DPP6: variants seen among roughly 807,000 people sequenced by gnomAD.
DPP6 encodes A-type potassium channel modulatory protein DPP6.
DPP6 carries 69 observed loss-of-function variants against 122.6 expected under a neutral mutation model. The ratio of observed to expected loss-of-function variants is 0.56; its 90% CI spans 0.46 to 0.69. The LOEUF (loss-of-function observed/expected upper bound fraction) is 0.69. Among genes scored for constraint, DPP6 ranks in the 30% least tolerant of loss-of-function variants. The pLI, the probability that DPP6 is intolerant of heterozygous loss-of-function variation, is 0.00. For synonymous variants in DPP6, 418 were observed against 433.1 expected (o/e 0.97, Z 0.43); for missense variants, 928 against 1,116.9 (o/e 0.83, Z 2.41).
chr7:154,519,623 T>C (rs1826810858), intron 3 of DPP6, among the ~76,000 whole-genome samples: 1 of 152,232 alleles, frequency 6.6e-6, no homozygotes, highest in Non-Finnish European at 1.5e-5. Context: ...TCCAACCCAA[T>C]GAGTAGACAG....
chr7:154,326,821 G>A (rs1198248207), intron 1 of DPP6, among the ~76,000 whole-genome samples: 1 of 152,196 alleles, frequency 6.6e-6, no homozygotes, highest in African/African-American at 2.4e-5. Flanking sequence ...TTTCCTCGGG[G>A]CCTGGAAGGA....
chr7:153,933,787 T>C (rs1384363964), intron 1 of DPP6, among the ~76,000 whole-genome samples: 1 of 152,102 alleles, frequency 6.6e-6, no homozygotes, highest in Admixed American at 6.5e-5. Flanking sequence ...GGCAGATTTC[T>C]CTCCCTAGCC....
At position 154,064,536 on chromosome 7, in the gene DPP6, C is replaced by T. The variant is rs536300926; in HGVS notation, c.243+11473C>T. 3.3e-5 allele frequency among the ~76,000 whole-genome samples: 5 copies of T among 152,248 alleles called. No individual in the cohort carries two copies. In the South Asian group the frequency reaches 8.3e-4, roughly 25 times the overall value. On this transcript the variant is annotated intron_variant, in intron 1 of 25. Coordinates refer to ENST00000377770, the MANE Select transcript of DPP6 (RefSeq NM_130797.4). ...CAAACCACTACCTCTACTAAAGTAA[C>T]CTATTGTTCTTTAGAACTGAAGACC...
chr7:154,732,976 G>A (rs188494710), intron 8 of DPP6, among the ~76,000 whole-genome samples: 21 of 152,188 alleles, frequency 1.4e-4, no homozygotes, highest in African/African-American at 4.3e-4. Context: ...CCAGTCCACC[G>A]CCCTCGCCTG....
the DPP6 span, among the ~76,000 whole-genome samples, chr7:153,858,008 C>A: frequency 6.6e-6 from 1 of 152,160 alleles, no homozygotes; most frequent in Non-Finnish European, 1.5e-5. Flanking sequence ...TTGCAAGCAC[C>A]ATTTACATAC....
intron 3 of DPP6, among the ~76,000 whole-genome samples, chr7:154,506,343 G>T (rs12703362): frequency 0.24 from 35,991 of 151,856 alleles, 4,409 homozygotes; most frequent in Middle Eastern, 0.32. Context: ...GATTTTTTAA[G>T]TTTCACAATT....
At chr7:153,995,187 A>G (rs1032443469) in intron 1 of DPP6, among the ~76,000 whole-genome samples, 2 of 152,188 alleles carry the variant, frequency 1.3e-5, no homozygotes, top group African/African-American at 4.8e-5. Context: ...AGGGAAAGCC[A>G]TTGAGGTGCT....
rs1293821508 is a variant in DPP6, at chr7:154,403,996, C to T, written c.244-42218C>T. ...GTTAATCTTGTTTTCCAAAGGGCCACAGGAGGATATTGTATGGATGTTATT... is the reference window on the plus strand; with the variant it reads ...GTTAATCTTGTTTTCCAAAGGGCCATAGGAGGATATTGTATGGATGTTATT... On this transcript the variant is annotated intron_variant, in intron 1 of 25. Transcript: ENST00000377770. This position sits in a 1 kb window ranked among gnomAD's most constrained non-coding sequence, Gnocchi z 4.1. 6.6e-6 allele frequency among the ~76,000 whole-genome samples: 1 copy of T among 152,220 alleles called. No individual in the cohort carries two copies. Among genetic ancestry groups the T allele is most frequent in the Non-Finnish European group, 1.5e-5 (1 of 68,042 alleles).
At chr7:154,166,315 G>A in intron 1 of DPP6, among the ~76,000 whole-genome samples, 1 of 152,154 alleles carries the variant, frequency 6.6e-6, no homozygotes, top group East Asian at 1.9e-4. Flanking sequence ...GGGCTGTGAA[G>A]GGTCATCTTG....
chr7:153,994,109 T>C (rs1461633984), intron 1 of DPP6, among the ~76,000 whole-genome samples: 1 of 151,706 alleles, frequency 6.6e-6, no homozygotes, highest in Non-Finnish European at 1.5e-5. Flanking sequence ...ACCTCTCTGG[T>C]TGAGTGATAT....
At chr7:154,074,347 A>G (rs998481255) in intron 1 of DPP6, among the ~76,000 whole-genome samples, 1 of 152,100 alleles carries the variant, frequency 6.6e-6, no homozygotes, top group African/African-American at 2.4e-5. Context: ...TGAAAGCATT[A>G]AAACACCAAG....
intron 7 of DPP6, among the ~76,000 whole-genome samples, chr7:154,680,266 A>G (rs2131163517): frequency 6.6e-6 from 1 of 152,374 alleles, no homozygotes; most frequent in South Asian, 2.1e-4. Context: ...ATAAAACAAT[A>G]TGAAAATATG....
At chr7:154,382,634 T>C (rs1813728263) in intron 1 of DPP6, among the ~76,000 whole-genome samples, 2 of 152,262 alleles carry the variant, frequency 1.3e-5, no homozygotes, top group African/African-American at 4.8e-5. Context: ...TTCTCCTTTA[T>C]TTGTTAGGGA....
chr7:154,158,528 C>T lies in DPP6; in HGVS notation c.243+105465C>T, dbSNP rs138583529. Among the ~76,000 whole-genome samples, 604 of 151,456 alleles carry T rather than the reference C, an allele frequency of 4.0e-3. 19 individuals carry two copies. Among genetic ancestry groups the T allele is most frequent in the African/African-American group, 0.014 (566 of 41,164 alleles). ...ACATTACTATATTTTGAGGCTATTC[C>T]GAAGAAACAGATTTTGTTCTTTTTG... is the stretch of plus-strand genomic sequence containing the variant. On this transcript the variant is annotated intron_variant, in intron 1 of 25. Transcript: ENST00000377770.
chr7:154,320,913 T>A (rs1488293906), intron 1 of DPP6, among the ~76,000 whole-genome samples: 1 of 152,220 alleles, frequency 6.6e-6, no homozygotes, highest in Non-Finnish European at 1.5e-5. Flanking sequence ...ATTTATTCTA[T>A]ATAAATATGT....
At chr7:153,971,358 C>T (rs1796005852) in intron 1 of DPP6, among the ~76,000 whole-genome samples, 1 of 151,310 alleles carries the variant, frequency 6.6e-6, no homozygotes, top group Non-Finnish European at 1.5e-5. Context: ...CATAGCTGTT[C>T]ATTTTATCTG....
chr7:154,287,766 G>C (rs1027978167), intron 1 of DPP6, among the ~76,000 whole-genome samples: 3 of 152,140 alleles, frequency 2.0e-5, no homozygotes, highest in African/African-American at 7.2e-5. Flanking sequence ...AACCGGAACA[G>C]GAATGTCTGG....
intron 1 of DPP6, among the ~76,000 whole-genome samples, chr7:154,273,968 A>T (rs1042158075): frequency 2.6e-5 from 4 of 152,140 alleles, no homozygotes; most frequent in Non-Finnish European, 4.4e-5. Flanking sequence ...CCCTGCCTGG[A>T]CTGCACCTGC....
At chr7:154,082,782 T>TGA (rs1436696423) in intron 1 of DPP6, among the ~76,000 whole-genome samples, 1 of 151,764 alleles carries the variant, frequency 6.6e-6, no homozygotes, top group African/African-American at 2.4e-5. Context: ...CCACAAACCT[T>TGA]GAGGAGTATT....
Sources: allele counts gnomAD v4.1 joint callset (sites outside exome capture counted in the v4.1 genomes callset), GRCh38; gene constraint gnomAD v4.1.1; non-coding constraint Gnocchi (gnomAD v3.1); transcripts MANE v1.5; gene names NCBI Gene and HGNC (gene_info 2026-07-23, HGNC 2026-07-21).